The following AP3M1 variants were observed in gnomAD, a reference collection of about 807,000 sequenced individuals.
AP3M1 encodes adaptor related protein complex 3 subunit mu 1, also known as AP-3 complex subunit mu-1.
Under a neutral mutation model 42.6 loss-of-function variants are expected in AP3M1, and 29 were observed. The observed-to-expected ratio is 0.68, with a 90% CI of 0.51 to 0.93. The LOEUF (loss-of-function observed/expected upper bound fraction) is 0.93, where lower values mean the gene tolerates loss of function less well. AP3M1 is among the 40% of genes least tolerant of loss of function. AP3M1 has a pLI of 0.00. For missense variants in AP3M1, 416 were observed against 510.2 expected, an observed-to-expected ratio of 0.82 and a Z score of 1.78; for synonymous variants, 178 against 175.3, an observed-to-expected ratio of 1.02 and a Z score of -0.12.
At chr10:74,150,476 G>A (rs1465825272) in intron 1 of AP3M1, 1 of 152,366 alleles carries the variant, frequency 6.6e-6, no homozygotes, top group Admixed American at 6.5e-5. Context: ...TGAGATTCCT[G>A]CCGTCTGTAC....
chr10:74,134,293 G>T, intron 3 of AP3M1, 129 bp from the exon 4 acceptor site: 1 of 968,346 alleles, frequency 1.0e-6, no homozygotes, highest in Non-Finnish European at 1.5e-6. Flanking sequence ...ATGGTCACTA[G>T]AATTGTCAGA....
chr10:74,124,364 T>C lies in AP3M1; in HGVS notation c.1156+16A>G, dbSNP rs1178361900. 6.3e-7 allele frequency: 1 copy of C among 1,585,356 alleles called. No individual in the cohort carries two copies. The highest frequency in any genetic ancestry group is 8.5e-7 in the Non-Finnish European group (1 of 1,171,088). On this transcript the variant is annotated intron_variant, in intron 8 of 8. Coordinates refer to ENST00000355264, the MANE Select transcript of AP3M1 (RefSeq NM_012095.6). ...AAACTCAATTACCCTTAACTACAAG[T>C]CAACCTTATCCTTACCTGAAATAGC...
rs1242137654 is a variant in AP3M1 at position 74,138,159 on chromosome 10, A to G, written c.221T>C (p.Val74Ala). The change falls in exon 2 of 9, where the codon GTG becomes GCG. Residue 74 changes from valine (V) to alanine (A), a missense_variant. Physicochemically the swap from Val to Ala is moderately conservative, Grantham distance 64. Transcript: ENST00000355264. ...LFFVSVIQTE[V>A]PPLFVIEFLH... ...GAACTCAATTACAAAGAGAGGTGGC[A>G]CTTCGGTCTGTATGACAGATACAAA... 1.2e-6 allele frequency: 2 copies of G among 1,614,184 alleles called. No homozygotes were observed. The highest frequency in any genetic ancestry group is 1.7e-5 in the Admixed American group (1 of 60,022).
At position 74,129,985 on chromosome 10, in the gene AP3M1, T is replaced by C; in HGVS notation, c.591A>G (p.Thr197=). 2.5e-6 allele frequency: 4 copies of C among 1,588,496 alleles called. No homozygotes were observed. Among genetic ancestry groups the C allele is most frequent in the Non-Finnish European group, 3.4e-6 (4 of 1,170,364 alleles). Residue 197 remains threonine (T), a synonymous_variant, in exon 5 of 9, where the codon ACA becomes ACG. Coordinates refer to ENST00000355264, the MANE Select transcript of AP3M1 (RefSeq NM_012095.6). ...TGACCCCCTGAATTTCTGCAAAGAC[T>C]GTAGATCCTGAAGAAAGAAAAAAAA... ...IDAIIDKSGS[T]VFAEIQGVID...
At chr10:74,132,507 A>G (rs1840809805) in intron 4 of AP3M1, among the ~76,000 whole-genome samples, 2 of 152,068 alleles carry the variant, frequency 1.3e-5, no homozygotes, top group South Asian at 4.2e-4. Flanking sequence ...CCTGGGCAAC[A>G]TGGTGAGACC....
intron 4 of AP3M1, among the ~76,000 whole-genome samples, chr10:74,133,082 G>A (rs1295540681): frequency 2.0e-5 from 3 of 152,056 alleles, no homozygotes; most frequent in South Asian, 4.2e-4. Flanking sequence ...GTGAAACCCC[G>A]TCTCTACTAA....
intron 6 of AP3M1, 161 bp downstream of exon 6, chr10:74,128,947 T>C (rs1840695731): frequency 1.4e-6 from 1 of 723,268 alleles, no homozygotes; most frequent in African/African-American, 1.8e-5. Context: ...TACGGATTAT[T>C]TTAGGTGCGT....
chr10:74,146,600 G>A (rs1199166431), intron 1 of AP3M1, among the ~76,000 whole-genome samples: 1 of 152,112 alleles, frequency 6.6e-6, no homozygotes, highest in East Asian at 1.9e-4. Flanking sequence ...GCCTGGTCCT[G>A]TGTAATTTGA....
chr10:74,142,364 G>A (rs1009637850), intron 1 of AP3M1, among the ~76,000 whole-genome samples: 1 of 152,158 alleles, frequency 6.6e-6, no homozygotes, highest in African/African-American at 2.4e-5. Context: ...TTCCAGAATT[G>A]ATTCATTTGA....
Position 74,120,308 on chromosome 10 carries a change from C to T in AP3M1, c.*3502G>A, listed in dbSNP as rs1840396496. ...CAAATGTTGCACTGGAAGAAGAAAT[C>T]AACAGTGGTATATTTACTTAACAAG... On this transcript the variant is annotated 3_prime_UTR_variant, in exon 9 of 9. Transcript: ENST00000355264. 6.6e-6 allele frequency: 1 copy of T among 152,118 alleles called. No individual in the cohort carries two copies. The highest frequency in any genetic ancestry group is 2.1e-4 in the South Asian group (1 of 4,830). 9.4% of individuals were successfully genotyped at this position (152,118 alleles called of 1,614,324 possible). A position where few individuals can be genotyped will look rare whatever the true frequency, so the allele number is the denominator to read the frequency against.
rs1840421818 is a variant in AP3M1 at position 74,120,804 on chromosome 10, C to T, written c.*3006G>A. Reference sequence around the variant, plus strand: ...AAGTGCTGGGATTACAGGTGTGATCCACCACGCCCGGCCACACAGGTCCAT... The same window carrying T: ...AAGTGCTGGGATTACAGGTGTGATCTACCACGCCCGGCCACACAGGTCCAT... On this transcript the variant is annotated 3_prime_UTR_variant, in exon 9 of 9. Coordinates refer to ENST00000355264, the MANE Select transcript of AP3M1 (RefSeq NM_012095.6). 2 of 152,280 alleles carry T rather than the reference C, an allele frequency of 1.3e-5. No individual in the cohort carries two copies. The highest frequency in any genetic ancestry group is 4.2e-4 in the South Asian group (2 of 4,816). The allele number at this position is 152,280 out of a possible 1,614,324, so 9.4% of individuals were successfully genotyped here.
intron 3 of AP3M1, among the ~76,000 whole-genome samples, chr10:74,135,586 T>C (rs1591753195): frequency 6.6e-6 from 1 of 152,304 alleles, no homozygotes; most frequent in East Asian, 1.9e-4. Context: ...TTGTAAATAC[T>C]TTTTTGTCGG....
At chr10:74,148,355 G>T (rs542233234) in intron 1 of AP3M1, among the ~76,000 whole-genome samples, 1 of 152,246 alleles carries the variant, frequency 6.6e-6, no homozygotes, top group South Asian at 2.1e-4. Context: ...TCTTCAGATT[G>T]AAGGGAAGGT....
intron 1 of AP3M1, among the ~76,000 whole-genome samples, chr10:74,144,282 T>G (rs906770208): frequency 6.6e-6 from 1 of 151,922 alleles, no homozygotes; most frequent in South Asian, 2.1e-4. Flanking sequence ...ATTTTTTTTT[T>G]GAGATAGGGT....
At chr10:74,146,078 G>A (rs1455968926) in intron 1 of AP3M1, among the ~76,000 whole-genome samples, 2 of 152,180 alleles carry the variant, frequency 1.3e-5, no homozygotes, top group African/African-American at 2.4e-5. Flanking sequence ...GAGCAGAGAA[G>A]ACAACTTAAT....
chr10:74,130,949 A>G (rs11000884), intron 4 of AP3M1, among the ~76,000 whole-genome samples: 24,982 of 151,624 alleles, frequency 0.16, 2,350 homozygotes, highest in African/African-American at 0.26. Context: ...CGTTTCTACT[A>G]AAAATACAAA....
chr10:74,131,302 G>A (rs573567487), intron 4 of AP3M1, among the ~76,000 whole-genome samples: 1 of 151,666 alleles, frequency 6.6e-6, no homozygotes, highest in Non-Finnish European at 1.5e-5. Flanking sequence ...CGAGTAGCTG[G>A]GACTACAGGC....
At chr10:74,145,604 T>G (rs1159466856) in intron 1 of AP3M1, among the ~76,000 whole-genome samples, 1 of 152,226 alleles carries the variant, frequency 6.6e-6, no homozygotes, top group Non-Finnish European at 1.5e-5. Context: ...TCATAAACTT[T>G]CTGAGAAAAC....
intron 4 of AP3M1, among the ~76,000 whole-genome samples, chr10:74,132,527 C>A (rs1840810457): frequency 1.3e-5 from 2 of 150,782 alleles, no homozygotes; most frequent in African/African-American, 4.9e-5. Context: ...CCTGTCTGTA[C>A]AAAAAAAACA....
Sources: allele counts gnomAD v4.1 joint callset (sites outside exome capture counted in the v4.1 genomes callset), GRCh38; gene constraint gnomAD v4.1.1; transcripts MANE v1.5; gene names NCBI Gene and HGNC (gene_info 2026-07-23, HGNC 2026-07-21).